Variants in GALNT17 observed in about 807,000 individuals in gnomAD.
GALNT17 encodes UDP-GalNAc:polypeptide N-acetylgalactosaminyltransferase-like 3.
In GALNT17, 29 loss-of-function variants were observed where a neutral mutation model predicts 63.7. That is an observed-to-expected ratio of 0.46 (90% CI 0.34 to 0.62). The LOEUF is 0.62. Among genes scored for constraint, GALNT17 ranks in the 20% least tolerant of loss-of-function variants. The pLI, the probability that GALNT17 is intolerant of heterozygous loss-of-function variation, is 0.01. For missense variants in GALNT17, 603 were observed against 799.6 expected (o/e 0.75, Z 2.97); for synonymous variants, 305 against 318.3 (o/e 0.96, Z 0.45).
chr7:71,138,183 C>T (rs941919403), intron 1 of GALNT17, among the ~76,000 whole-genome samples: 1 of 152,016 alleles, frequency 6.6e-6, no homozygotes. Context: ...CTCATCTTTA[C>T]AAAAATCAGC....
At chr7:71,268,990 C>G (rs1011467388) in intron 1 of GALNT17, among the ~76,000 whole-genome samples, 2 of 152,124 alleles carry the variant, frequency 1.3e-5, no homozygotes, top group Non-Finnish European at 2.9e-5. Context: ...CTGAGGCTGC[C>G]AAGGGCAGGT....
At chr7:71,678,787 T>G (rs563169611) in intron 9 of GALNT17, among the ~76,000 whole-genome samples, 11 of 64,566 alleles carry the variant, frequency 1.7e-4, no homozygotes, top group African/African-American at 6.1e-4. Context: ...AGAGTGAGAC[T>G]CTGTCTCAAA....
intron 9 of GALNT17, among the ~76,000 whole-genome samples, chr7:71,679,596 C>G (rs113627796): frequency 0.04 from 6,091 of 152,068 alleles, 363 homozygotes; most frequent in African/African-American, 0.12. Flanking sequence ...GCGTAACCCA[C>G]GGTGCTGGGG....
chr7:71,416,825 C>G (rs777587480), intron 4 of GALNT17, among the ~76,000 whole-genome samples: 38 of 152,280 alleles, frequency 2.5e-4, no homozygotes, highest in East Asian at 2.1e-3. Flanking sequence ...ATGGGATTAT[C>G]TTTCACATCA....
intron 2 of GALNT17, among the ~76,000 whole-genome samples, chr7:71,336,021 CTTCTTTCTTCCTTTTTTTTTTTTTTTTT>C (rs1791898021): frequency 4.2e-5 from 1 of 24,056 alleles, no homozygotes. Context: ...CTTCTTCCTT[CTTCTTTCTTCCTTTTTTTTTTTTTTTTT>C]TTTTTTTTTT....
At position 71,558,705 on chromosome 7, in the gene GALNT17, T is replaced by G. The variant is rs1161416251; in HGVS notation, c.963-12580T>G. On this transcript the variant is annotated intron_variant, in intron 5 of 10. Coordinates refer to ENST00000333538, the MANE Select transcript of GALNT17 (RefSeq NM_022479.3). Reference sequence around the variant, plus strand: ...ATTTACAAAAACACTCTTCCAAGGCTTATTTGCAAATCAGTTTCTCAAAGC... The same window carrying G: ...ATTTACAAAAACACTCTTCCAAGGCGTATTTGCAAATCAGTTTCTCAAAGC... 2.6e-5 allele frequency among the ~76,000 whole-genome samples: 4 copies of G among 152,340 alleles called. No homozygotes were observed. The East Asian group carries it at 7.7e-4, about 29-fold the overall frequency.
chr7:71,444,326 C>T (rs544075395), intron 5 of GALNT17, among the ~76,000 whole-genome samples: 4 of 152,284 alleles, frequency 2.6e-5, no homozygotes, highest in East Asian at 3.9e-4. Flanking sequence ...TGCCTTCCCT[C>T]GCCACTTCCC....
At chr7:71,305,277 T>A (rs1458742459) in intron 1 of GALNT17, among the ~76,000 whole-genome samples, 1 of 152,222 alleles carries the variant, frequency 6.6e-6, no homozygotes, top group Non-Finnish European at 1.5e-5. Context: ...GTACTCCCAT[T>A]TGCAGAACTA....
chr7:71,590,009 G>A (rs1789775052), intron 6 of GALNT17, among the ~76,000 whole-genome samples: 2 of 152,022 alleles, frequency 1.3e-5, no homozygotes, highest in African/African-American at 2.4e-5. Flanking sequence ...TAATCTTTAT[G>A]TAGACACACA....
At position 71,318,111 on chromosome 7, in the gene GALNT17, T is replaced by G. The variant is rs566267299; in HGVS notation, c.239-17439T>G. On this transcript the variant is annotated intron_variant, in intron 1 of 10. Coordinates refer to ENST00000333538, the MANE Select transcript of GALNT17 (RefSeq NM_022479.3). The stretch of plus-strand genomic sequence containing the variant: ...TTGTTGAGATGGTGTCTCAACATGT[T>G]GCCAGACTGGTCTCAAACTCCTGGC... Among the ~76,000 whole-genome samples, 8 of 152,228 alleles carry G rather than the reference T, an allele frequency of 5.3e-5. No individual in the cohort carries two copies. The East Asian group carries it at 1.6e-3, about 30-fold the overall frequency.
At chr7:71,652,124 C>G (rs1006979900) in intron 6 of GALNT17, among the ~76,000 whole-genome samples, 1 of 152,114 alleles carries the variant, frequency 6.6e-6, no homozygotes, top group Non-Finnish European at 1.5e-5. Context: ...CTCTATAGAT[C>G]AAGCTGCTTT....
intron 1 of GALNT17, among the ~76,000 whole-genome samples, chr7:71,202,228 A>G (rs1789188207): frequency 6.6e-6 from 1 of 152,184 alleles, no homozygotes; most frequent in African/African-American, 2.4e-5. Flanking sequence ...TTTATTCTGT[A>G]GCTTCAGTGA....
At chr7:71,498,300 A>ACC (rs1250727428) in intron 5 of GALNT17, among the ~76,000 whole-genome samples, 2 of 151,804 alleles carry the variant, frequency 1.3e-5, no homozygotes, top group Non-Finnish European at 2.9e-5. Flanking sequence ...ACATGGTGAG[A>ACC]CCCCCGTCTC....
intron 9 of GALNT17, among the ~76,000 whole-genome samples, chr7:71,695,833 A>G (rs1045725585): frequency 3.9e-5 from 6 of 152,166 alleles, no homozygotes; most frequent in African/African-American, 7.2e-5. Context: ...TGTATCCTCC[A>G]TGCCTGGGAC....
At chr7:71,144,949 T>C (rs59650615) in intron 1 of GALNT17, among the ~76,000 whole-genome samples, 13,451 of 152,178 alleles carry the variant, frequency 0.088, 772 homozygotes, top group East Asian at 0.15. Context: ...AGGATGGTCT[T>C]GATCTCCTGA....
At chr7:71,605,232 T>G (rs540022298) in intron 6 of GALNT17, among the ~76,000 whole-genome samples, 1 of 152,158 alleles carries the variant, frequency 6.6e-6, no homozygotes, top group Non-Finnish European at 1.5e-5. Flanking sequence ...CTTTTGCTCA[T>G]GTATTCAATA....
intron 3 of GALNT17, among the ~76,000 whole-genome samples, chr7:71,410,882 T>C (rs1793417987): frequency 6.6e-6 from 1 of 152,224 alleles, no homozygotes; most frequent in South Asian, 2.1e-4. Flanking sequence ...TTTATCAAAA[T>C]CTTAAAAAAC....
intron 2 of GALNT17, among the ~76,000 whole-genome samples, chr7:71,346,025 T>TAAAAA (rs1792088869): frequency 1.1e-5 from 1 of 88,364 alleles, no homozygotes; most frequent in African/African-American, 5.8e-5. Context: ...CTACTAAAAA[T>TAAAAA]TAAAAAAAAA....
At chr7:71,517,460 G>A (rs142736591) in intron 5 of GALNT17, among the ~76,000 whole-genome samples, 20 of 152,270 alleles carry the variant, frequency 1.3e-4, no homozygotes, top group Admixed American at 2.6e-4. Context: ...TTGGGAGAGG[G>A]CCAGTGTTTC....
Sources: allele counts gnomAD v4.1 joint callset (sites outside exome capture counted in the v4.1 genomes callset), GRCh38; gene constraint gnomAD v4.1.1; transcripts MANE v1.5; gene names NCBI Gene and HGNC (gene_info 2026-07-23, HGNC 2026-07-21).